Variants in F11 observed in about 807,000 individuals in gnomAD.
The protein encoded by F11 is coagulation factor XI, also known as coagualtion factor XI.
Under a neutral mutation model 76.5 loss-of-function variants are expected in F11, and 78 were observed. The ratio of observed to expected loss-of-function variants is 1.02; its 90% confidence interval spans 0.85 to 1.23. The LOEUF is 1.23. Ranked by LOEUF, F11 falls within the 50% of genes most tolerant of loss-of-function variation. The pLI is 0.00. For synonymous variants in F11, 278 were observed against 276.3 expected (o/e 1.01, Z -0.06); for missense variants, 742 against 771.4 (o/e 0.96, Z 0.45).
In F11 at chr4:186,275,908, C is replaced by T; in HGVS notation, c.595+12C>T. ...ACTTTCTAATCTGGGTAATTATCGA[C>T]TTCTTGATGATGTAATTCAACCATT... On this transcript the variant is annotated intron_variant, in intron 6 of 14. Transcript: ENST00000403665. 6.4e-7 allele frequency: 1 copy of T among 1,572,282 alleles called. No homozygotes were observed. Among genetic ancestry groups the T allele is most frequent in the Non-Finnish European group, 8.7e-7 (1 of 1,144,596 alleles).
chr4:186,287,931 G>C, intron 14 of F11, 108 bp downstream of exon 14: 2 of 1,342,524 alleles, frequency 1.5e-6, no homozygotes, highest in Non-Finnish European at 1.0e-6. Context: ...TTGAGACAGA[G>C]TCTCGCTCTG....
At position 186,285,770 on chromosome 4, in the gene F11, TGATATTG is replaced by T; in HGVS notation, c.1438_1444del (p.Asp480ProfsTer3). The T allele has an allele frequency of 6.2e-7, 1 of 1,613,974 alleles. No individual in the cohort carries two copies. The highest frequency in any genetic ancestry group is 8.5e-7 in the Non-Finnish European group (1 of 1,179,814). ...AGTATAAAATGGCAGAAAGCGGGTA[TGATATTG>T]CCTTGTTGAAACTGGAAACCACAGT... On this transcript the variant is annotated frameshift_variant, in exon 12 of 15. Transcript: ENST00000403665. LOFTEE classifies it high-confidence loss of function.
At chr4:186,274,357 G>A in intron 5 of F11, 82 bp downstream of exon 5, 1 of 1,569,492 alleles carries the variant, frequency 6.4e-7, no homozygotes, top group Non-Finnish European at 8.7e-7. Context: ...TCAACTTTAT[G>A]CCAGAATTTA....
intron 1 of F11, among the ~76,000 whole-genome samples, 192 bp from the exon 2 acceptor site, chr4:186,266,944 T>G (rs1739547294): frequency 6.6e-6 from 1 of 150,564 alleles, no homozygotes; most frequent in Non-Finnish European, 1.5e-5. Context: ...AAGAGTTGAA[T>G]GCCACACACA....
At chr4:186,282,010 C>A in intron 10 of F11, 1 of 1,247,512 alleles carries the variant, frequency 8.0e-7, no homozygotes, top group Non-Finnish European at 1.1e-6. Context: ...CGTCGTATCT[C>A]ATACATTCTG....
intron 2 of F11, among the ~76,000 whole-genome samples, chr4:186,270,463 C>A (rs948285134): frequency 6.6e-6 from 1 of 152,012 alleles, no homozygotes; most frequent in Non-Finnish European, 1.5e-5. Context: ...TATTATGCGG[C>A]GGTGAAGTGC....
intron 7 of F11, among the ~76,000 whole-genome samples, chr4:186,278,195 G>A (rs933913260): frequency 3.3e-5 from 5 of 152,116 alleles, no homozygotes; most frequent in Non-Finnish European, 5.9e-5. Flanking sequence ...TCTCTGAATT[G>A]GAACTCTCAG....
Position 186,286,497 on chromosome 4 carries a change from CA to C in F11, c.1564del (p.Arg522GlufsTer3). 1 of 1,613,704 alleles carries C rather than the reference CA, an allele frequency of 6.2e-7. No homozygotes were observed. The highest frequency in any genetic ancestry group is 8.5e-7 in the Non-Finnish European group (1 of 1,179,792). ...ATTGCTGGGTGACTGGATGGGGGTA[CA>C]GAAAACTAAGAGGTAAAAATGATGT... ...TDCWVTGWGYRKLRDKIQNTL... is the reference protein window; with the variant it reads ...TDCWVTGWGYXKLRDKIQNTL... On this transcript the variant is annotated frameshift_variant, in exon 13 of 15. Transcript: ENST00000403665. LOFTEE classifies it high-confidence loss of function.
intron 2 of F11, among the ~76,000 whole-genome samples, chr4:186,271,296 C>A (rs1739935357): frequency 6.6e-6 from 1 of 152,148 alleles, no homozygotes; most frequent in African/African-American, 2.4e-5. Context: ...TGGATGAGAT[C>A]CTAAAAAGCA....
intron 2 of F11, among the ~76,000 whole-genome samples, chr4:186,268,139 T>A (rs1055720780): frequency 9.2e-5 from 14 of 152,066 alleles, no homozygotes; most frequent in Non-Finnish European, 1.5e-4. Context: ...GTGAAATTTT[T>A]TAAAAAAAAT....
Position 186,286,025 on chromosome 4 carries a change from G to C in F11, c.1480+212G>C. Reference sequence around the variant, plus strand: ...TTTGGGAATGTGGGTAAAGAGATACGTTTTCCTGAGTCTTCTTCAGGTGCA... The same window carrying C: ...TTTGGGAATGTGGGTAAAGAGATACCTTTTCCTGAGTCTTCTTCAGGTGCA... On this transcript the variant is annotated intron_variant, in intron 12 of 14. Coordinates refer to ENST00000403665, the MANE Select transcript of F11 (RefSeq NM_000128.4). The C allele has an allele frequency of 4.9e-6, 3 of 617,268 alleles. No individual in the cohort carries two copies. In the South Asian group the frequency reaches 5.9e-5, roughly 12 times the overall value. The allele number at this position is 617,268 out of a possible 1,614,324, so 38.2% of individuals were successfully genotyped here. A position where few individuals can be genotyped will look rare whatever the true frequency, so the allele number is the denominator to read the frequency against.
At chr4:186,274,977 G>C (rs1416257412) in intron 5 of F11, 4 of 223,008 alleles carry the variant, frequency 1.8e-5, no homozygotes, top group East Asian at 1.1e-4. Context: ...CATTCACAAA[G>C]AGGAGTGAAC....
At chr4:186,288,393 C>G in intron 14 of F11, 60 bp from the exon 15 acceptor site, 3 of 1,608,306 alleles carry the variant, frequency 1.9e-6, no homozygotes, top group Non-Finnish European at 2.6e-6. Flanking sequence ...GCAAGATGTG[C>G]TGAAGATGGG....
At chr4:186,276,469 A>T in intron 7 of F11, 79 bp downstream of exon 7, 1 of 1,544,212 alleles carries the variant, frequency 6.5e-7, no homozygotes, top group Non-Finnish European at 8.9e-7. Context: ...AATTCCAAGT[A>T]ACTAAAAATT....
chr4:186,287,715 G>C lies in F11; in HGVS notation c.1608G>C (p.Lys536Asn), dbSNP rs774280710. 4.3e-6 allele frequency: 7 copies of C among 1,613,076 alleles called. No individual in the cohort carries two copies. In the Admixed American group the frequency reaches 8.3e-5, roughly 19 times the overall value. ...DKIQNTLQKA[K>N]IPLVTNEECQ... ...TACAAAATACTCTCCAGAAAGCCAAGATACCCTTAGTGACCAACGAAGAGT... is the reference window on the plus strand; with the variant it reads ...TACAAAATACTCTCCAGAAAGCCAACATACCCTTAGTGACCAACGAAGAGT... Residue 536 changes from lysine to asparagine, a missense_variant, in exon 14 of 15, where the codon AAG (lysine) becomes AAC (asparagine). By Grantham distance (94) the Lys-to-Asn change is moderately conservative. Coordinates refer to ENST00000403665, the MANE Select transcript of F11 (RefSeq NM_000128.4).
intron 5 of F11, among the ~76,000 whole-genome samples, chr4:186,275,520 A>C (rs530612293): frequency 6.6e-6 from 1 of 152,160 alleles, no homozygotes; most frequent in African/African-American, 2.4e-5. Context: ...AAAAATGAGA[A>C]GGGCTTGAGA....
At chr4:186,279,661 G>A (rs1006896054) in intron 7 of F11, among the ~76,000 whole-genome samples, 1 of 152,188 alleles carries the variant, frequency 6.6e-6, no homozygotes. Flanking sequence ...TGCAACCCTG[G>A]ATAGGAGGTT....
chr4:186,273,236 CGGATGT>C, intron 4 of F11, 59 bp downstream of exon 4: 1 of 1,313,592 alleles, frequency 7.6e-7, no homozygotes, highest in Non-Finnish European at 1.1e-6. Flanking sequence ...ATCGCCACAT[CGGATGT>C]GGTTTTAAGG....
chr4:186,289,681 GA>G (rs1172979695), downstream of F11, among the ~76,000 whole-genome samples: 24 of 104,580 alleles, frequency 2.3e-4, no homozygotes, highest in Non-Finnish European at 2.9e-4. Flanking sequence ...CATCAAGTGT[GA>G]TTTTTTTTTT....
Sources: gnomAD v4.1 joint callset for allele counts (sites outside exome capture counted in the v4.1 genomes callset) on GRCh38, gnomAD v4.1.1 for gene constraint, MANE v1.5 for transcripts, NCBI Gene and HGNC (gene_info 2026-07-23, HGNC 2026-07-21) for gene names.